Variants in CENPP observed in about 807,000 individuals in gnomAD.
CENPP encodes centromere protein P.
Under a neutral mutation model 35.6 loss-of-function variants are expected in CENPP, and 24 were observed. That is an observed-to-expected ratio of 0.67 (90% confidence interval 0.49 to 0.95). The LOEUF (loss-of-function observed/expected upper bound fraction) is 0.95, where lower values mean the gene tolerates loss of function less well. CENPP is among the 40% of genes least tolerant of loss of function. The pLI, the probability that CENPP is intolerant of heterozygous loss-of-function variation, is 0.00. For synonymous variants in CENPP, 120 were observed against 125.5 expected (o/e 0.96, Z 0.29); for missense variants, 332 against 345.3 (o/e 0.96, Z 0.31).
intron 5 of CENPP, chr9:92,512,082 G>C (rs544614974): frequency 6.2e-7 from 1 of 1,613,796 alleles, no homozygotes; most frequent in South Asian, 1.1e-5. Context: ...TCCAAATTTG[G>C]TAATCCATTA....
At chr9:92,566,998 G>C (rs916185807) in intron 5 of CENPP, among the ~76,000 whole-genome samples, 2 of 152,116 alleles carry the variant, frequency 1.3e-5, no homozygotes, top group Non-Finnish European at 2.9e-5. Flanking sequence ...AAGGCACTGG[G>C]CTGACATTTT....
chr9:92,572,709 G>T (rs1276054485), intron 5 of CENPP, among the ~76,000 whole-genome samples: 4 of 152,044 alleles, frequency 2.6e-5, no homozygotes, highest in African/African-American at 9.7e-5. Context: ...CATTCTCCCC[G>T]TCACTTTCAG....
chr9:92,583,694 G>A (rs1189644216), intron 5 of CENPP, among the ~76,000 whole-genome samples: 1 of 151,982 alleles, frequency 6.6e-6, no homozygotes, highest in East Asian at 1.9e-4. Flanking sequence ...ATAGTCCTCA[G>A]TGGATAAGAG....
At chr9:92,608,831 A>G (rs1851154451) in intron 5 of CENPP, among the ~76,000 whole-genome samples, 1 of 152,216 alleles carries the variant, frequency 6.6e-6, no homozygotes, top group Non-Finnish European at 1.5e-5. Flanking sequence ...TTTTTTACTG[A>G]AAGCATCTAA....
At chr9:92,533,314 A>C (rs1451483555) in intron 5 of CENPP, among the ~76,000 whole-genome samples, 2 of 95,030 alleles carry the variant, frequency 2.1e-5, no homozygotes, top group South Asian at 4.0e-4. Context: ...AAAAAAAAAA[A>C]AAAAAAAAAA....
At chr9:92,530,486 T>G (rs1054421576) in intron 5 of CENPP, among the ~76,000 whole-genome samples, 1 of 152,174 alleles carries the variant, frequency 6.6e-6, no homozygotes, top group Non-Finnish European at 1.5e-5. Flanking sequence ...GTAGACAGAA[T>G]ATCAATAAGG....
At chr9:92,526,002 T>TA (rs1281288530) in intron 5 of CENPP, among the ~76,000 whole-genome samples, 3 of 152,156 alleles carry the variant, frequency 2.0e-5, no homozygotes, top group African/African-American at 7.2e-5. Flanking sequence ...CTATACTTTT[T>TA]ATCATTGTTT....
At position 92,613,176 on chromosome 9, in the gene CENPP, A is replaced by G; in HGVS notation, c.*27A>G. 1 of 1,613,846 alleles carries G rather than the reference A, an allele frequency of 6.2e-7. No individual in the cohort carries two copies. The highest frequency in any genetic ancestry group is 8.5e-7 in the Non-Finnish European group (1 of 1,179,770). On this transcript the variant is annotated 3_prime_UTR_variant, in exon 8 of 8. Coordinates refer to ENST00000375587, the MANE Select transcript of CENPP (RefSeq NM_001012267.3). ...TCCAAAACAGTGAACGTGGAGGATG[A>G]AGATGCTGCGTGGAGGAACATGCAA...
chr9:92,527,250 A>T (rs747628), intron 5 of CENPP, among the ~76,000 whole-genome samples: 57,607 of 151,988 alleles, frequency 0.38, 13,625 homozygotes, highest in African/African-American at 0.67. Flanking sequence ...AGCTCAAGTG[A>T]TTCACCCACC....
intron 4 of CENPP, among the ~76,000 whole-genome samples, chr9:92,364,888 A>G (rs949101825): frequency 6.6e-6 from 1 of 152,176 alleles, no homozygotes; most frequent in Non-Finnish European, 1.5e-5. Context: ...CAGGTAACCT[A>G]GGAGAGTGCC....
chr9:92,594,023 A>G (rs779018320), intron 5 of CENPP, among the ~76,000 whole-genome samples: 3 of 152,216 alleles, frequency 2.0e-5, no homozygotes, highest in Non-Finnish European at 4.4e-5. Flanking sequence ...TGATGCAGCA[A>G]TCTTGGTTCA....
chr9:92,406,509 A>G (rs1588107684), intron 5 of CENPP, among the ~76,000 whole-genome samples: 1 of 152,264 alleles, frequency 6.6e-6, no homozygotes, highest in African/African-American at 2.4e-5. Context: ...TACTGTGTAA[A>G]AAACTACCAC....
At chr9:92,481,373 C>T (rs1237614108) in intron 5 of CENPP, among the ~76,000 whole-genome samples, 2 of 151,996 alleles carry the variant, frequency 1.3e-5, no homozygotes, top group African/African-American at 2.4e-5. Flanking sequence ...TTTCTTTTAA[C>T]AGCTTGATTC....
intron 5 of CENPP, among the ~76,000 whole-genome samples, chr9:92,472,493 A>C (rs964513170): frequency 2.0e-5 from 3 of 151,938 alleles, no homozygotes; most frequent in Non-Finnish European, 4.4e-5. Flanking sequence ...CCTCGTCTCT[A>C]CTAAAAATAT....
intron 5 of CENPP, among the ~76,000 whole-genome samples, chr9:92,434,950 G>A (rs1844211252): frequency 6.6e-6 from 1 of 152,158 alleles, no homozygotes; most frequent in Non-Finnish European, 1.5e-5. Context: ...TACTCAGGAG[G>A]CTGAGGCAGG....
intron 5 of CENPP, among the ~76,000 whole-genome samples, chr9:92,546,380 A>C (rs1393274961): frequency 2.6e-5 from 4 of 152,180 alleles, no homozygotes; most frequent in Non-Finnish European, 5.9e-5. Flanking sequence ...TTTGCAATAA[A>C]TCTTGCTGCT....
intron 5 of CENPP, among the ~76,000 whole-genome samples, chr9:92,410,174 G>C (rs1359023695): frequency 6.6e-6 from 1 of 152,130 alleles, no homozygotes; most frequent in Non-Finnish European, 1.5e-5. Flanking sequence ...CTGACCTCAT[G>C]ATCTACCCAC....
At chr9:92,434,934 C>T (rs1036758199) in intron 5 of CENPP, among the ~76,000 whole-genome samples, 9 of 152,080 alleles carry the variant, frequency 5.9e-5, no homozygotes, top group Admixed American at 5.2e-4. Context: ...CGCCTGTAAT[C>T]CCAGCTACTC....
At chr9:92,436,369 TATC>T (rs1276089785) in intron 5 of CENPP, among the ~76,000 whole-genome samples, 1 of 152,242 alleles carries the variant, frequency 6.6e-6, no homozygotes, top group African/African-American at 2.4e-5. Flanking sequence ...TTCATCTTCT[TATC>T]AGCATCTTTC....
Sources: allele counts gnomAD v4.1 joint callset (sites outside exome capture counted in the v4.1 genomes callset), GRCh38; gene constraint gnomAD v4.1.1; transcripts MANE v1.5; gene names NCBI Gene and HGNC (gene_info 2026-07-23, HGNC 2026-07-21).